TOR1AIP1: variants seen among roughly 807,000 people sequenced by gnomAD.
TOR1AIP1 encodes torsin-1A-interacting protein 1.
A neutral mutation model predicts 63.3 loss-of-function variants in TOR1AIP1; 54 were observed. The ratio of observed to expected loss-of-function variants is 0.85; its 90% CI spans 0.69 to 1.07. The LOEUF (loss-of-function observed/expected upper bound fraction) is 1.07. Among genes scored for constraint, TOR1AIP1 ranks in the 50% least tolerant of loss-of-function variants. The pLI is 0.00. For missense variants in TOR1AIP1, 736 were observed against 715.0 expected, an observed-to-expected ratio of 1.03 and a Z score of -0.33; for synonymous variants, 294 against 273.5, an observed-to-expected ratio of 1.07 and a Z score of -0.74.
intron 1 of TOR1AIP1, chr1:179,883,926 A>G (rs1024190710): frequency 3.4e-6 from 1 of 290,316 alleles, no homozygotes; most frequent in African/African-American, 2.2e-5. Context: ...CCTGAGTCAC[A>G]ATGGGATGAC....
At position 179,882,808 on chromosome 1, in the gene TOR1AIP1, C is replaced by G; in HGVS notation, c.306C>G (p.Ser102Arg). ...CTGCGAAAGAGGAAGTGAGAGAAAG[C>G]GCGTACTACCTTCGGTCTAGGCAGC... ...SDSAKEEVRE[S>R]AYYLRSRQRR... Residue 102 changes from serine (S) to arginine (R), a missense_variant, in exon 1 of 10, where the codon AGC becomes AGG. Around this residue, in one of 2 missense-constraint regions of TOR1AIP1, gnomAD observed 464 missense variants for 371.0 expected, o/e 1.25. Transcript: ENST00000606911. The G allele has an allele frequency of 6.2e-7, 1 of 1,614,194 alleles. No individual in the cohort carries two copies. Among genetic ancestry groups the G allele is most frequent in the Non-Finnish European group, 8.5e-7 (1 of 1,180,028 alleles).
At chr1:179,887,330 C>G (rs1293051960) in intron 2 of TOR1AIP1, among the ~76,000 whole-genome samples, 2 of 151,794 alleles carry the variant, frequency 1.3e-5, no homozygotes, top group African/African-American at 4.8e-5. Flanking sequence ...ACGCGGGAGG[C>G]GGAGGTTGCA....
intron 6 of TOR1AIP1, 80 bp downstream of exon 6, chr1:179,904,102 A>T: frequency 9.3e-7 from 1 of 1,079,768 alleles, no homozygotes; most frequent in Non-Finnish European, 1.3e-6. Context: ...CTCTTTTGAA[A>T]TTTAACGTAA....
intron 5 of TOR1AIP1, among the ~76,000 whole-genome samples, chr1:179,902,019 CTTTTTTT>C (rs767712125): frequency 1.0e-5 from 1 of 98,794 alleles, no homozygotes; most frequent in Admixed American, 1.1e-4. Context: ...AATTCCAATT[CTTTTTTT>C]TTTTTTTTTT....
intron 3 of TOR1AIP1, among the ~76,000 whole-genome samples, chr1:179,899,273 T>C (rs915122474): frequency 7.8e-5 from 11 of 141,714 alleles, no homozygotes; most frequent in Non-Finnish European, 1.7e-4. Context: ...TTTTTTTTTT[T>C]AAGTTTCAGA....
At position 179,882,873 on chromosome 1, in the gene TOR1AIP1, C is replaced by G; in HGVS notation, c.371C>G (p.Thr124Arg). 2 of 1,614,202 alleles carry G rather than the reference C, an allele frequency of 1.2e-6. No homozygotes were observed. The highest frequency in any genetic ancestry group is 1.1e-5 in the South Asian group (1 of 91,090). ...CCCCAGGAAACCGAGGAAATGAAGA[C>G]GCGAAGGACTACCCGCCTTCAGCAG... Reference protein sequence around the residue: ...PRPQETEEMKTRRTTRLQQQH... With the variant: ...PRPQETEEMKRRRTTRLQQQH... The change falls in exon 1 of 10, where the codon ACG (threonine) becomes AGG (arginine). Residue 124 changes from threonine to arginine, a missense_variant. Thr to Arg is a moderately conservative substitution (Grantham distance 71). Transcript: ENST00000606911.
intron 2 of TOR1AIP1, among the ~76,000 whole-genome samples, chr1:179,888,525 G>A (rs1647972729): frequency 6.6e-6 from 1 of 152,190 alleles, no homozygotes; most frequent in Admixed American, 6.5e-5. Context: ...GTGAAATACT[G>A]AGATAGATAT....
chr1:179,894,699 A>G (rs935578078), intron 3 of TOR1AIP1, among the ~76,000 whole-genome samples: 6 of 151,960 alleles, frequency 3.9e-5, no homozygotes, highest in African/African-American at 1.5e-4. Context: ...AAAAAAAAAG[A>G]AAGGAAGGAA....
rs369998144 is a variant in TOR1AIP1 at position 179,918,101 on chromosome 1, C to A, written c.1614C>A (p.Val538=). 99 of 1,613,992 alleles carry A rather than the reference C, an allele frequency of 6.1e-5. No individual in the cohort carries two copies. The highest frequency in any genetic ancestry group is 7.5e-5 in the Non-Finnish European group (89 of 1,180,044). The change falls in exon 10 of 10, where the codon GTC becomes GTA. Residue 538 remains valine, a synonymous_variant. Transcript: ENST00000606911. ...AAAAAGTAAGAGATTTTCTTAAAGTCAAGTTCACCAATTCTAACACACCCA... is the reference window on the plus strand; with the variant it reads ...AAAAAGTAAGAGATTTTCTTAAAGTAAAGTTCACCAATTCTAACACACCCA... ...VEEKVRDFLK[V]KFTNSNTPNS...
intron 3 of TOR1AIP1, among the ~76,000 whole-genome samples, chr1:179,896,344 C>T (rs1481297128): frequency 6.6e-6 from 1 of 151,954 alleles, no homozygotes; most frequent in African/African-American, 2.4e-5. Context: ...GGAGCGTGAT[C>T]TCGGCTCACT....
chr1:179,899,107 A>G (rs1648370931), intron 3 of TOR1AIP1, among the ~76,000 whole-genome samples: 1 of 152,166 alleles, frequency 6.6e-6, no homozygotes, highest in Non-Finnish European at 1.5e-5. Context: ...GTCCCTTTTA[A>G]TAAGCAAATT....
intron 3 of TOR1AIP1, among the ~76,000 whole-genome samples, chr1:179,895,531 C>T (rs1202273714): frequency 6.6e-6 from 1 of 152,156 alleles, no homozygotes; most frequent in Non-Finnish European, 1.5e-5. Flanking sequence ...TCACTTGAAC[C>T]CAAGACACAG....
Position 179,890,634 on chromosome 1 carries a change from C to G in TOR1AIP1, c.610+1265C>G, listed in dbSNP as rs149770465. Reference sequence around the variant, plus strand: ...TTTTTTTTCCAGGCAGGGTCTCACTCTCACCCAGGCTGGAGTGCGGTGGCG... The same window carrying G: ...TTTTTTTTCCAGGCAGGGTCTCACTGTCACCCAGGCTGGAGTGCGGTGGCG... On this transcript the variant is annotated intron_variant, in intron 3 of 9. Coordinates refer to ENST00000606911, the MANE Select transcript of TOR1AIP1 (RefSeq NM_015602.4). 8.5e-5 allele frequency among the ~76,000 whole-genome samples: 13 copies of G among 152,062 alleles called. No individual in the cohort carries two copies. In the East Asian group the frequency reaches 2.5e-3, roughly 29 times the overall value.
chr1:179,905,811 C>T (rs192487816), intron 6 of TOR1AIP1, among the ~76,000 whole-genome samples: 2 of 152,022 alleles, frequency 1.3e-5, no homozygotes, highest in Non-Finnish European at 2.9e-5. Flanking sequence ...AAATTAACCA[C>T]GTATGGTGAT....
chr1:179,884,997 C>T (rs889901593), intron 2 of TOR1AIP1, among the ~76,000 whole-genome samples: 5 of 152,204 alleles, frequency 3.3e-5, no homozygotes, highest in Admixed American at 6.5e-5. Flanking sequence ...ACATATGTGA[C>T]TGAGCCAAAA....
intron 8 of TOR1AIP1, among the ~76,000 whole-genome samples, chr1:179,911,790 T>A (rs1393838366): frequency 6.6e-6 from 1 of 152,130 alleles, no homozygotes; most frequent in East Asian, 1.9e-4. Flanking sequence ...GTAATGAGCT[T>A]ATATGTGTAA....
At chr1:179,915,014 T>A (rs1648948288) in intron 9 of TOR1AIP1, among the ~76,000 whole-genome samples, 1 of 152,210 alleles carries the variant, frequency 6.6e-6, no homozygotes, top group South Asian at 2.1e-4. Context: ...CAGATCAGAT[T>A]GCTTTGCATT....
At chr1:179,895,601 T>C (rs1024991528) in intron 3 of TOR1AIP1, among the ~76,000 whole-genome samples, 8 of 151,184 alleles carry the variant, frequency 5.3e-5, no homozygotes, top group Non-Finnish European at 1.0e-4. Context: ...AAAAGAGACC[T>C]TGTCTCAGAA....
rs747798408 is a variant in TOR1AIP1, at chr1:179,901,327, C to T, written c.678C>T (p.Asp226=). The T allele has an allele frequency of 8.1e-6, 13 of 1,610,864 alleles. No individual in the cohort carries two copies. The Admixed American group carries it at 1.7e-4, about 21-fold the overall frequency. Residue 226 remains aspartate, a synonymous_variant, in exon 5 of 10, where the codon GAC becomes GAT. Transcript: ENST00000606911. ...EEGETEEDDQ[D]SSHSSVTTVK... ...GAGAAACTGAAGAAGATGATCAAGACAGCTCTCACAGCAGTGTCACTACTG... is the reference window on the plus strand; with the variant it reads ...GAGAAACTGAAGAAGATGATCAAGATAGCTCTCACAGCAGTGTCACTACTG...
Sources: gnomAD v4.1 joint callset for allele counts (sites outside exome capture counted in the v4.1 genomes callset) on GRCh38, gnomAD v4.1.1 for gene constraint, gnomAD v4.1.1 regional missense constraint, MANE v1.5 for transcripts, NCBI Gene and HGNC (gene_info 2026-07-23, HGNC 2026-07-21) for gene names.